The following TGM2 variants were observed in gnomAD, a reference collection of about 807,000 sequenced individuals.
TGM2 encodes the protein transglutaminase 2.
A neutral mutation model predicts 75.6 loss-of-function variants in TGM2; 53 were observed. That is an observed-to-expected ratio of 0.70 (90% confidence interval 0.56 to 0.88). The LOEUF is 0.88. Ranked by LOEUF, TGM2 falls within the 40% of genes least tolerant of loss-of-function variation. The pLI is 0.00. For missense variants in TGM2, 842 were observed against 928.5 expected (o/e 0.91, Z 1.21); for synonymous variants, 374 against 381.1 (o/e 0.98, Z 0.22).
At chr20:38,166,007 C>T (rs1050127901), upstream of TGM2, among the ~76,000 whole-genome samples, 3 of 84,510 alleles carry the variant, frequency 3.5e-5, no homozygotes, top group Non-Finnish European at 1.0e-4. Context: ...GACACCAATG[C>T]CACTGTCAGA....
chr20:38,158,730 C>T (rs1242652641), intron 2 of TGM2, among the ~76,000 whole-genome samples: 1 of 152,158 alleles, frequency 6.6e-6, no homozygotes, highest in African/African-American at 2.4e-5. Flanking sequence ...GGGGTCAGGC[C>T]ACATGCTCCA....
intron 10 of TGM2, 112 bp from the exon 11 acceptor site, chr20:38,132,612 G>A (rs2076386): frequency 0.14 from 204,866 of 1,429,878 alleles, 15,630 homozygotes; most frequent in East Asian, 0.27. Flanking sequence ...GTCACACAGC[G>A]GGGGAATGGC....
intron 1 of TGM2, among the ~76,000 whole-genome samples, chr20:38,164,754 G>A (rs2075292369): frequency 6.6e-6 from 1 of 152,190 alleles, no homozygotes; most frequent in African/African-American, 2.4e-5. Flanking sequence ...CTGGAGCCAA[G>A]GACTCAGCCA....
intron 1 of TGM2, among the ~76,000 whole-genome samples, chr20:38,164,620 CCTT>C (rs1424796260): frequency 1.3e-5 from 2 of 152,124 alleles, no homozygotes; most frequent in African/African-American, 4.8e-5. Flanking sequence ...ACACTGTTGT[CCTT>C]ATTTTATAGG....
At chr20:38,150,452 A>T (rs147556152) in intron 4 of TGM2, among the ~76,000 whole-genome samples, 118 of 152,290 alleles carry the variant, frequency 7.7e-4, no homozygotes, top group African/African-American at 2.7e-3. Context: ...TGGTTATTAG[A>T]CAAGCAGCAT....
In TGM2 at chr20:38,150,967, A is replaced by C. The variant is rs2075108589; in HGVS notation, c.524T>G (p.Ile175Ser). ...GFIYQGSAKF[I>S]KNIPWNFGQF... The stretch of plus-strand genomic sequence containing the variant: ...CCCAAAATTCCAAGGTATGTTCTTG[A>C]TGAACTTGGCCGAGCCCTGGTAGAT... Residue 175 changes from isoleucine to serine, a missense_variant, in exon 4 of 13, where the codon ATC becomes AGC. By Grantham distance (142) the Ile-to-Ser change is moderately radical. Coordinates refer to ENST00000361475, the MANE Select transcript of TGM2 (RefSeq NM_004613.4). The C allele has an allele frequency of 6.2e-7, 1 of 1,614,026 alleles. No individual in the cohort carries two copies. Among genetic ancestry groups the C allele is most frequent in the African/African-American group, 1.3e-5 (1 of 74,936 alleles).
intron 6 of TGM2, 39 bp from the exon 7 acceptor site, chr20:38,142,238 G>A: frequency 6.2e-7 from 1 of 1,613,200 alleles, no homozygotes; most frequent in Non-Finnish European, 8.5e-7. Context: ...AGGTCCTGGA[G>A]ACATCCGCCC....
In TGM2 at chr20:38,146,764, C is replaced by T. The variant is rs751708757; in HGVS notation, c.812G>A (p.Arg271His). The T allele has an allele frequency of 1.1e-5, 18 of 1,613,610 alleles. No homozygotes were observed. The highest frequency in any genetic ancestry group is 6.7e-5 in the Admixed American group (4 of 59,988). The change falls in exon 6 of 13, where the codon CGC becomes CAC. Residue 271 changes from arginine (R) to histidine (H), a missense_variant. Physicochemically the swap from Arg to His is conservative, Grantham distance 29 (BLOSUM62 0). Transcript: ENST00000361475. ...LRRWKNHGCQRVKYGQCWVFA... is the reference protein window; with the variant it reads ...LRRWKNHGCQHVKYGQCWVFA... Reference sequence around the variant, plus strand: ...GACCCAGCACTGGCCATACTTGACGCGCTGGCAGCCGTGGTTCTTCCAGCG... The same window carrying T: ...GACCCAGCACTGGCCATACTTGACGTGCTGGCAGCCGTGGTTCTTCCAGCG...
At chr20:38,152,460 A>G (rs2268912) in intron 3 of TGM2, among the ~76,000 whole-genome samples, 23,196 of 152,244 alleles carry the variant, frequency 0.15, 2,136 homozygotes, top group East Asian at 0.44. Flanking sequence ...GTGTGGGATA[A>G]GAATGAAAGA....
chr20:38,136,585 C>A (rs945351637), intron 10 of TGM2, among the ~76,000 whole-genome samples: 4 of 152,192 alleles, frequency 2.6e-5, no homozygotes, highest in African/African-American at 9.7e-5. Flanking sequence ...GCCATTTGCT[C>A]TGGTGACACA....
chr20:38,165,061 G>T, intron 1 of TGM2, 128 bp downstream of exon 1: 3 of 1,362,674 alleles, frequency 2.2e-6, no homozygotes, highest in Admixed American at 1.8e-5. Context: ...GCATTGAGAC[G>T]CCTCCTCACC....
intron 8 of TGM2, 102 bp from the exon 9 acceptor site, chr20:38,139,756 A>C: frequency 1.3e-6 from 2 of 1,484,282 alleles, no homozygotes; most frequent in Non-Finnish European, 1.8e-6. Flanking sequence ...AAACCTCAAG[A>C]CCACGCGGCC....
chr20:38,156,099 GA>G lies in TGM2; in HGVS notation c.191-11del. On this transcript the variant is annotated splice_polypyrimidine_tract_variant and intron_variant, in intron 2 of 12. Transcript: ENST00000361475. ...TGGCTAGGGGCTGGGCCTGTGGAGG[GA>G]GAAGCAGTAGCCGTGAGCTAGGGGT... 6.2e-7 allele frequency: 1 copy of G among 1,610,848 alleles called. No homozygotes were observed. Among genetic ancestry groups the G allele is most frequent in the Non-Finnish European group, 8.5e-7 (1 of 1,179,352 alleles).
rs1390376838 is a variant in TGM2 at position 38,146,509 on chromosome 20, A to G, written c.859+208T>C. The G allele has an allele frequency of 4.3e-6, 3 of 701,348 alleles. No individual in the cohort carries two copies. The South Asian group carries it at 4.7e-5, about 11-fold the overall frequency. The allele number at this position is 701,348 out of a possible 1,614,324, so 43.4% of individuals were successfully genotyped here. ...AGCCCTGAGCCCATGCAGTCTCTCC[A>G]ATGATAGCCCTTGATCCTAACAACC... On this transcript the variant is annotated intron_variant, in intron 6 of 12. Transcript: ENST00000361475.
chr20:38,148,923 TGGTCCTTTCCTG>T (rs2075080007), intron 4 of TGM2, among the ~76,000 whole-genome samples: 1 of 152,162 alleles, frequency 6.6e-6, no homozygotes, highest in Non-Finnish European at 1.5e-5. Context: ...CCCACTTCTG[TGGTCCTTTCCTG>T]GGCCAGATCT....
intron 7 of TGM2, among the ~76,000 whole-genome samples, chr20:38,141,668 A>G (rs2074976796): frequency 6.6e-6 from 1 of 151,106 alleles, no homozygotes; most frequent in South Asian, 2.1e-4. Flanking sequence ...TCTTGGCTCC[A>G]TCCCTTCTTT....
chr20:38,142,092 T>A lies in TGM2; in HGVS notation c.967A>T (p.Ile323Phe). ...IEYFRNEFGE[I>F]QGDKSEMIWN... ...ATCATCTCGCTCTTGTCACCCTGGA[T>A]CTCCCCAAACTCATTGCGGAAGTAC... The change falls in exon 7 of 13, where the codon ATC becomes TTC. Residue 323 changes from isoleucine (I) to phenylalanine (F), a missense_variant. Coordinates refer to ENST00000361475, the MANE Select transcript of TGM2 (RefSeq NM_004613.4). 6.2e-7 allele frequency: 1 copy of A among 1,614,092 alleles called. No homozygotes were observed. Among genetic ancestry groups the A allele is most frequent in the East Asian group, 2.2e-5 (1 of 44,870 alleles).
At chr20:38,157,417 G>T (rs748275099) in intron 2 of TGM2, among the ~76,000 whole-genome samples, 1 of 152,182 alleles carries the variant, frequency 6.6e-6, no homozygotes, top group Non-Finnish European at 1.5e-5. Context: ...CCCACCCTAC[G>T]TCTGGCTCCC....
At chr20:38,150,887 G>A (rs2075107526) in intron 4 of TGM2, 52 bp downstream of exon 4, 22 of 1,379,314 alleles carry the variant, frequency 1.6e-5, no homozygotes, top group Middle Eastern at 1.8e-4. Flanking sequence ...ACACAGGGCC[G>A]GGCACACAGA....
Sources: gnomAD v4.1 joint callset for allele counts (sites outside exome capture counted in the v4.1 genomes callset) on GRCh38, gnomAD v4.1.1 for gene constraint, MANE v1.5 for transcripts, NCBI Gene and HGNC (gene_info 2026-07-23, HGNC 2026-07-21) for gene names.